The following MARCHF1 variants were observed in gnomAD, a reference collection of about 807,000 sequenced individuals.
MARCHF1 encodes membrane associated ring-CH-type finger 1, also known as E3 ubiquitin-protein ligase MARCHF1.
A neutral mutation model predicts 54.2 loss-of-function variants in MARCHF1; 40 were observed. The ratio of observed to expected loss-of-function variants is 0.74; its 90% confidence interval spans 0.57 to 0.96. The LOEUF (loss-of-function observed/expected upper bound fraction) is 0.96. Ranked by LOEUF, MARCHF1 falls within the 40% of genes least tolerant of loss-of-function variation. The pLI, the probability that MARCHF1 is intolerant of heterozygous loss-of-function variation, is 0.00. For missense variants in MARCHF1, 586 were observed against 656.5 expected (o/e 0.89, Z 1.17); for synonymous variants, 236 against 236.3 (o/e 1.00, Z 0.01).
At chr4:163,935,702 C>T (rs377055562) in intron 3 of MARCHF1, among the ~76,000 whole-genome samples, 6 of 125,720 alleles carry the variant, frequency 4.8e-5, no homozygotes, top group African/African-American at 5.7e-5. Flanking sequence ...TGCTTGCTTT[C>T]TTTTTTTTTT....
At chr4:164,147,757 G>T (rs112485910) in intron 1 of MARCHF1, among the ~76,000 whole-genome samples, 3 of 144,932 alleles carry the variant, frequency 2.1e-5, no homozygotes, top group Non-Finnish European at 4.5e-5. Context: ...CACCAGCATG[G>T]CACATGTATA....
At chr4:163,959,966 GA>G (rs958351518) in intron 3 of MARCHF1, among the ~76,000 whole-genome samples, 9 of 151,292 alleles carry the variant, frequency 5.9e-5, no homozygotes, top group African/African-American at 1.9e-4. Flanking sequence ...TTTATAAGAG[GA>G]AAAAAACCCC....
intron 1 of MARCHF1, among the ~76,000 whole-genome samples, chr4:164,241,781 G>T (rs999251914): frequency 6.6e-6 from 1 of 152,190 alleles, no homozygotes; most frequent in African/African-American, 2.4e-5. Context: ...CACAGTGCGC[G>T]AGCCGAAGCA....
chr4:163,967,954 G>A (rs1752476475), intron 3 of MARCHF1, among the ~76,000 whole-genome samples: 3 of 152,190 alleles, frequency 2.0e-5, no homozygotes, highest in Non-Finnish European at 4.4e-5. Context: ...TGCTTACTCA[G>A]AATTCACTGA....
At chr4:164,236,712 A>G (rs1732573838) in intron 1 of MARCHF1, among the ~76,000 whole-genome samples, 1 of 152,150 alleles carries the variant, frequency 6.6e-6, no homozygotes, top group Non-Finnish European at 1.5e-5. Context: ...GGTTACAAAC[A>G]AATTTAGTAA....
At chr4:163,540,581 T>C (rs182243494) in intron 9 of MARCHF1, among the ~76,000 whole-genome samples, 6 of 152,368 alleles carry the variant, frequency 3.9e-5, no homozygotes, top group Admixed American at 3.9e-4. Flanking sequence ...ATTATTTATA[T>C]AGCCATGTTT....
chr4:164,324,989 A>G (rs1196971426), intron 1 of MARCHF1, among the ~76,000 whole-genome samples: 1 of 151,972 alleles, frequency 6.6e-6, no homozygotes, highest in African/African-American at 2.4e-5. Flanking sequence ...AATAACCAAG[A>G]ATAGCACAAT....
chr4:163,645,611 C>T (rs555214798), intron 5 of MARCHF1, among the ~76,000 whole-genome samples: 44 of 152,228 alleles, frequency 2.9e-4, no homozygotes, highest in Admixed American at 2.7e-3. Flanking sequence ...ACACAGGCAA[C>T]TGAATGAGAT....
chr4:164,295,384 C>T (rs994134193), intron 1 of MARCHF1, among the ~76,000 whole-genome samples: 1 of 151,986 alleles, frequency 6.6e-6, no homozygotes, highest in East Asian at 1.9e-4. Flanking sequence ...ATAATTCTTA[C>T]ACTAAAGTGA....
At position 163,992,424 on chromosome 4, in the gene MARCHF1, A is replaced by G. The variant is rs553017825; in HGVS notation, c.-247-3715T>C. Among the ~76,000 whole-genome samples, 312 of 152,182 alleles carry G rather than the reference A, an allele frequency of 2.1e-3. 1 individual carries two copies. Among genetic ancestry groups the G allele is most frequent in the Non-Finnish European group, 3.7e-3 (251 of 67,990 alleles). On this transcript the variant is annotated intron_variant, in intron 2 of 9. Coordinates refer to ENST00000514618, the MANE Select transcript of MARCHF1 (RefSeq NM_001394959.1). ...AGACAATATAGAATAATGAAAGTAAATATCAAAGAAGCTTTGAGCAACAAT... is the reference window on the plus strand; with the variant it reads ...AGACAATATAGAATAATGAAAGTAAGTATCAAAGAAGCTTTGAGCAACAAT...
At chr4:163,874,335 G>A (rs1750243230) in intron 3 of MARCHF1, among the ~76,000 whole-genome samples, 1 of 152,166 alleles carries the variant, frequency 6.6e-6, no homozygotes, top group African/African-American at 2.4e-5. Flanking sequence ...TATATTACCT[G>A]TAAAATCAAG....
chr4:164,383,730 G>A (rs1323679373), intron 1 of MARCHF1, 140 bp downstream of exon 1: 1 of 152,372 alleles, frequency 6.6e-6, no homozygotes, highest in African/African-American at 2.4e-5. Flanking sequence ...ACCAGGCAAA[G>A]GCACCTGCTG....
intron 1 of MARCHF1, among the ~76,000 whole-genome samples, chr4:164,140,593 G>A (rs898777490): frequency 1.3e-5 from 2 of 152,052 alleles, no homozygotes; most frequent in African/African-American, 4.8e-5. Context: ...CCTAATTGTA[G>A]TCAGTCAGAG....
At chr4:164,111,526 G>A (rs1482663719) in intron 2 of MARCHF1, 62 bp downstream of exon 2, 2 of 151,620 alleles carry the variant, frequency 1.3e-5, no homozygotes, top group Admixed American at 6.6e-5. Context: ...TGAGAAAAGG[G>A]ATTTTCTGCC....
At chr4:163,863,203 G>T (rs748319751) in intron 3 of MARCHF1, among the ~76,000 whole-genome samples, 3 of 152,004 alleles carry the variant, frequency 2.0e-5, no homozygotes, top group Non-Finnish European at 4.4e-5. Context: ...TGGAAAGCAG[G>T]CTGTGAAAAA....
intron 2 of MARCHF1, among the ~76,000 whole-genome samples, chr4:164,054,154 GC>G (rs1160390065): frequency 1.3e-5 from 2 of 151,210 alleles, no homozygotes; most frequent in African/African-American, 4.9e-5. Flanking sequence ...CATTTATGCA[GC>G]CAAAAAACAC....
intron 5 of MARCHF1, among the ~76,000 whole-genome samples, chr4:163,648,492 C>T (rs773629070): frequency 9.2e-5 from 14 of 151,562 alleles, no homozygotes; most frequent in African/African-American, 1.5e-4. Context: ...AAACTAGGCA[C>T]GTTAAGCATT....
At chr4:164,341,788 A>G (rs1036157448) in intron 1 of MARCHF1, among the ~76,000 whole-genome samples, 2 of 152,208 alleles carry the variant, frequency 1.3e-5, no homozygotes, top group African/African-American at 2.4e-5. Flanking sequence ...GGATTTCAAT[A>G]TATGTTATGA....
At chr4:164,346,754 T>C (rs1730117198) in intron 1 of MARCHF1, among the ~76,000 whole-genome samples, 1 of 151,190 alleles carries the variant, frequency 6.6e-6, no homozygotes, top group Non-Finnish European at 1.5e-5. Context: ...ACAATGGCTT[T>C]ATTGTGCAGC....
Sources: gnomAD v4.1 joint callset for allele counts (sites outside exome capture counted in the v4.1 genomes callset) on GRCh38, gnomAD v4.1.1 for gene constraint, MANE v1.5 for transcripts, NCBI Gene and HGNC (gene_info 2026-07-23, HGNC 2026-07-21) for gene names.